PTPRT: variants seen among roughly 807,000 people sequenced by gnomAD.
PTPRT encodes the protein receptor-type tyrosine-protein phosphatase T.
Under a neutral mutation model 176.8 loss-of-function variants are expected in PTPRT, and 56 were observed. The observed-to-expected ratio is 0.32, with a 90% CI of 0.26 to 0.40. The LOEUF (loss-of-function observed/expected upper bound fraction) is 0.40. PTPRT is among the 10% of genes least tolerant of loss of function. The pLI is 1.00. For missense variants in PTPRT, 1,540 were observed against 1,908.2 expected, an observed-to-expected ratio of 0.81 and a Z score of 3.60; for synonymous variants, 783 against 739.0, an observed-to-expected ratio of 1.06 and a Z score of -0.96.
At chr20:42,240,243 T>A (rs973200116) in intron 14 of PTPRT, among the ~76,000 whole-genome samples, 2 of 152,180 alleles carry the variant, frequency 1.3e-5, no homozygotes, top group African/African-American at 4.8e-5. Flanking sequence ...ATTAATTGAA[T>A]CTCTTTTCCC....
intron 7 of PTPRT, among the ~76,000 whole-genome samples, chr20:42,486,513 T>A (rs2071466750): frequency 6.6e-6 from 1 of 152,222 alleles, no homozygotes; most frequent in South Asian, 2.1e-4. Flanking sequence ...GGCCCCAGAT[T>A]TATATTTATA....
chr20:42,919,406 G>A (rs1017990759), intron 1 of PTPRT, among the ~76,000 whole-genome samples: 1 of 152,208 alleles, frequency 6.6e-6, no homozygotes, highest in African/African-American at 2.4e-5. Context: ...ATGACAATGG[G>A]ATTATGAGAC....
At chr20:42,637,631 T>G (rs1440068494) in intron 7 of PTPRT, among the ~76,000 whole-genome samples, 1 of 152,112 alleles carries the variant, frequency 6.6e-6, no homozygotes, top group African/African-American at 2.4e-5. Flanking sequence ...CCCTGAAAAT[T>G]TTTCATATCA....
intron 7 of PTPRT, among the ~76,000 whole-genome samples, chr20:42,668,399 CT>C (rs2075353611): frequency 6.6e-6 from 1 of 152,208 alleles, no homozygotes; most frequent in African/African-American, 2.4e-5. Context: ...CCAGCTATTT[CT>C]TCCAGAGAAC....
chr20:42,185,870 A>G (rs1250437281), intron 16 of PTPRT, among the ~76,000 whole-genome samples: 2 of 152,112 alleles, frequency 1.3e-5, no homozygotes, highest in African/African-American at 4.8e-5. Flanking sequence ...CGAGCTTGCC[A>G]TCTAACAGAG....
At chr20:42,328,679 ATCT>A (rs1432067798) in intron 11 of PTPRT, among the ~76,000 whole-genome samples, 1 of 152,202 alleles carries the variant, frequency 6.6e-6, no homozygotes, top group Non-Finnish European at 1.5e-5. Context: ...CCTATTTCAA[ATCT>A]ACAACTAACA....
chr20:42,908,347 A>T (rs1014430315), intron 1 of PTPRT, among the ~76,000 whole-genome samples: 1 of 152,216 alleles, frequency 6.6e-6, no homozygotes, highest in African/African-American at 2.4e-5. Flanking sequence ...CTTTAAGGAA[A>T]ATAGTACAAA....
chr20:42,915,395 T>G (rs1250139448), intron 1 of PTPRT, among the ~76,000 whole-genome samples: 1 of 152,186 alleles, frequency 6.6e-6, no homozygotes, highest in African/African-American at 2.4e-5. Context: ...TGCCTTCTGA[T>G]CTGCATAAGG....
chr20:43,136,077 T>G (rs1217474257), intron 1 of PTPRT, among the ~76,000 whole-genome samples: 1 of 152,230 alleles, frequency 6.6e-6, no homozygotes, highest in East Asian at 1.9e-4. Context: ...GCTCTTCTGC[T>G]TTTCAAAGCC....
At chr20:42,930,833 A>G (rs1014921110) in intron 1 of PTPRT, among the ~76,000 whole-genome samples, 2 of 152,172 alleles carry the variant, frequency 1.3e-5, no homozygotes, top group Non-Finnish European at 2.9e-5. Flanking sequence ...AAAACTTTAT[A>G]CCATAGCTAC....
intron 13 of PTPRT, among the ~76,000 whole-genome samples, chr20:42,267,455 TTTC>T (rs2056858297): frequency 6.6e-6 from 1 of 152,238 alleles, no homozygotes; most frequent in African/African-American, 2.4e-5. Context: ...GCTTCACCTG[TTTC>T]TTTTTACTTT....
intron 16 of PTPRT, among the ~76,000 whole-genome samples, chr20:42,172,992 G>C (rs1021254226): frequency 2.0e-5 from 3 of 152,144 alleles, no homozygotes; most frequent in Non-Finnish European, 2.9e-5. Context: ...CTTTAATCCA[G>C]GCTTCCACAG....
At chr20:43,187,097 G>A (rs1458549686) in intron 1 of PTPRT, among the ~76,000 whole-genome samples, 1 of 152,112 alleles carries the variant, frequency 6.6e-6, no homozygotes. Context: ...TTAGAGTAAG[G>A]AAAAAGGAAA....
chr20:43,115,304 C>G (rs937810428), intron 1 of PTPRT, among the ~76,000 whole-genome samples: 1 of 152,222 alleles, frequency 6.6e-6, no homozygotes, highest in East Asian at 1.9e-4. Flanking sequence ...AGACCTTCAG[C>G]TGGGGAGCAA....
At chr20:42,570,924 TTAGAACACG>T (rs2073142166) in intron 7 of PTPRT, among the ~76,000 whole-genome samples, 2 of 151,324 alleles carry the variant, frequency 1.3e-5, no homozygotes, top group South Asian at 4.2e-4. Context: ...ATTCTGGGGA[TTAGAACACG>T]GACATAGACA....
chr20:42,549,164 C>T (rs375015078), intron 7 of PTPRT, among the ~76,000 whole-genome samples: 33 of 151,950 alleles, frequency 2.2e-4, no homozygotes, highest in African/African-American at 7.3e-4. Flanking sequence ...TAGGCAGTAG[C>T]GGTGATTTGG....
intron 2 of PTPRT, among the ~76,000 whole-genome samples, chr20:42,798,957 T>C (rs1233010955): frequency 1.3e-5 from 2 of 151,832 alleles, no homozygotes; most frequent in Non-Finnish European, 2.9e-5. Flanking sequence ...GGAGTTTGTG[T>C]GCACGTGGGT....
intron 16 of PTPRT, among the ~76,000 whole-genome samples, chr20:42,197,224 A>G (rs955124539): frequency 6.6e-6 from 1 of 151,254 alleles, no homozygotes; most frequent in African/African-American, 2.4e-5. Context: ...CTAAAAATAC[A>G]AAAAATTAGC....
chr20:42,531,006 A>G (rs2145540921), intron 7 of PTPRT, among the ~76,000 whole-genome samples: 1 of 152,314 alleles, frequency 6.6e-6, no homozygotes, highest in East Asian at 1.9e-4. Context: ...TCATCCTTAG[A>G]ACTAAAATTT....
Sources: allele counts gnomAD v4.1 joint callset (sites outside exome capture counted in the v4.1 genomes callset), GRCh38; gene constraint gnomAD v4.1.1; transcripts MANE v1.5; gene names NCBI Gene and HGNC (gene_info 2026-07-23, HGNC 2026-07-21).